SPIDR: variants seen among roughly 807,000 people sequenced by gnomAD.
The protein encoded by SPIDR is scaffold protein involved in DNA repair.
A neutral mutation model predicts 104.6 loss-of-function variants in SPIDR; 93 were observed. That is an observed-to-expected ratio of 0.89 (90% CI 0.75 to 1.06). SPIDR has a LOEUF of 1.06. SPIDR is among the 50% of genes least tolerant of loss of function. The pLI is 0.00. For synonymous variants in SPIDR, 431 were observed against 416.9 expected (o/e 1.03, Z -0.41); for missense variants, 1,154 against 1,111.2 (o/e 1.04, Z -0.55).
At chr8:47,540,730 T>C (rs1230474865) in intron 8 of SPIDR, among the ~76,000 whole-genome samples, 3 of 152,220 alleles carry the variant, frequency 2.0e-5, no homozygotes, top group Admixed American at 2.0e-4. Context: ...AGATAGGTAG[T>C]CAGCTTTAAG....
intron 8 of SPIDR, among the ~76,000 whole-genome samples, chr8:47,513,407 A>G (rs2082658400): frequency 6.6e-6 from 1 of 152,240 alleles, no homozygotes; most frequent in Non-Finnish European, 1.5e-5. Context: ...GCTAATTACA[A>G]TCTATACGTC....
At chr8:47,332,816 T>A (rs1387493939) in intron 5 of SPIDR, among the ~76,000 whole-genome samples, 2 of 96,074 alleles carry the variant, frequency 2.1e-5, no homozygotes, top group Non-Finnish European at 4.1e-5. Context: ...AAGTGTCTGT[T>A]CATGTCCTTC....
chr8:47,643,627 A>G (rs1237164740), intron 10 of SPIDR, among the ~76,000 whole-genome samples: 1 of 152,066 alleles, frequency 6.6e-6, no homozygotes, highest in African/African-American at 2.4e-5. Context: ...TGACCTCCCA[A>G]AGTTCTGGGA....
chr8:47,328,838 C>G (rs1033442117), intron 5 of SPIDR, among the ~76,000 whole-genome samples: 1 of 151,632 alleles, frequency 6.6e-6, no homozygotes, highest in Non-Finnish European at 1.5e-5. Flanking sequence ...TCAAGTCTTT[C>G]CTCATTTCTT....
intron 7 of SPIDR, among the ~76,000 whole-genome samples, chr8:47,424,829 G>C (rs1195061722): frequency 6.6e-6 from 1 of 152,114 alleles, no homozygotes; most frequent in Non-Finnish European, 1.5e-5. Context: ...TCCGCCTCCT[G>C]GGTCCAGACA....
chr8:47,343,483 G>C (rs1191409425), intron 5 of SPIDR, among the ~76,000 whole-genome samples: 1 of 152,164 alleles, frequency 6.6e-6, no homozygotes, highest in African/African-American at 2.4e-5. Flanking sequence ...GAACTTACGG[G>C]AAGCTGCTTT....
At chr8:47,306,114 C>A (rs890215243) in intron 5 of SPIDR, among the ~76,000 whole-genome samples, 8 of 152,024 alleles carry the variant, frequency 5.3e-5, no homozygotes, top group African/African-American at 1.9e-4. Flanking sequence ...AGCATAATAT[C>A]CTTAAGGTTA....
In SPIDR at chr8:47,504,431, T is replaced by TA. The variant is rs555328184; in HGVS notation, c.1097+63890dup. Among the ~76,000 whole-genome samples the TA allele has an allele frequency of 3.2e-4, 48 of 152,362 alleles. No homozygotes were observed. In the East Asian group the frequency reaches 6.9e-3, roughly 22 times the overall value. ...CTTTCTTCTAGTTGATCGAATCGGCTACTGAGGCTTGTGCATTTGTCACAT... is the reference window on the plus strand; with the variant it reads ...CTTTCTTCTAGTTGATCGAATCGGCTAACTGAGGCTTGTGCATTTGTCACAT... On this transcript the variant is annotated intron_variant, in intron 8 of 19. Coordinates refer to ENST00000297423, the MANE Select transcript of SPIDR (RefSeq NM_001080394.4).
intron 1 of SPIDR, among the ~76,000 whole-genome samples, chr8:47,271,845 T>C (rs1586125885): frequency 6.6e-6 from 1 of 152,146 alleles, no homozygotes; most frequent in East Asian, 1.9e-4. Flanking sequence ...TGGAGTGCAA[T>C]GACATGATCT....
At chr8:47,697,283 T>TA (rs397971781) in intron 11 of SPIDR, among the ~76,000 whole-genome samples, 2,580 of 141,924 alleles carry the variant, frequency 0.018, 65 homozygotes, top group African/African-American at 0.061. Flanking sequence ...GAGACCCTGT[T>TA]AAAAAAAAAA....
At chr8:47,457,420 CTG>C (rs2154351587) in intron 8 of SPIDR, among the ~76,000 whole-genome samples, 1 of 152,156 alleles carries the variant, frequency 6.6e-6, no homozygotes, top group African/African-American at 2.4e-5. Flanking sequence ...TGAGAATTGT[CTG>C]TTCATATCCT....
At chr8:47,731,347 C>A (rs2085200547) in intron 19 of SPIDR, among the ~76,000 whole-genome samples, 1 of 152,170 alleles carries the variant, frequency 6.6e-6, no homozygotes, top group South Asian at 2.1e-4. Flanking sequence ...TCGGAATTGT[C>A]CCCTGAGCTG....
At chr8:47,503,332 G>A (rs1160973892) in intron 8 of SPIDR, among the ~76,000 whole-genome samples, 1 of 152,128 alleles carries the variant, frequency 6.6e-6, no homozygotes, top group African/African-American at 2.4e-5. Context: ...TGTATTGGGT[G>A]CATATATATT....
intron 8 of SPIDR, among the ~76,000 whole-genome samples, chr8:47,526,166 A>G (rs1483490452): frequency 6.6e-6 from 1 of 152,212 alleles, no homozygotes; most frequent in Non-Finnish European, 1.5e-5. Context: ...GCTTCCTCAC[A>G]CTGAGGCAGT....
chr8:47,339,590 G>A (rs562107348), intron 5 of SPIDR, among the ~76,000 whole-genome samples: 17 of 151,576 alleles, frequency 1.1e-4, no homozygotes, highest in African/African-American at 4.1e-4. Context: ...TTAGAGGACT[G>A]TTTAGAGTGA....
chr8:47,448,645 T>C (rs573558924), intron 8 of SPIDR, among the ~76,000 whole-genome samples: 1 of 151,954 alleles, frequency 6.6e-6, no homozygotes. Flanking sequence ...TGGTTATGTA[T>C]GTGAGAGTAT....
chr8:47,503,584 A>G (rs537975833), intron 8 of SPIDR, among the ~76,000 whole-genome samples: 9 of 152,216 alleles, frequency 5.9e-5, no homozygotes, highest in African/African-American at 2.2e-4. Flanking sequence ...TCTCGACTCT[A>G]TCCAATTTGC....
chr8:47,494,057 T>C (rs998565881), intron 8 of SPIDR, among the ~76,000 whole-genome samples: 16 of 152,014 alleles, frequency 1.1e-4, no homozygotes, highest in African/African-American at 3.9e-4. Flanking sequence ...GGCACAGTTA[T>C]ACCTCACTGC....
chr8:47,651,988 T>G lies in SPIDR; in HGVS notation c.1545-21813T>G, dbSNP rs533243679. ...TGGGAGAGGGTGAAGAATAAAAGAC[T>G]ACATATTGGGTACACTGTACACTAC... is the stretch of plus-strand genomic sequence containing the variant. On this transcript the variant is annotated intron_variant, in intron 10 of 19. Coordinates refer to ENST00000297423, the MANE Select transcript of SPIDR (RefSeq NM_001080394.4). 8.1e-4 allele frequency among the ~76,000 whole-genome samples: 123 copies of G among 152,170 alleles called. 1 individual carries two copies. The South Asian group carries it at 0.014, about 17-fold the overall frequency.
Sources: allele counts gnomAD v4.1 joint callset (sites outside exome capture counted in the v4.1 genomes callset), GRCh38; gene constraint gnomAD v4.1.1; transcripts MANE v1.5; gene names NCBI Gene and HGNC (gene_info 2026-07-23, HGNC 2026-07-21).